Variants in ALS2 observed in about 807,000 individuals in gnomAD.
The protein encoded by ALS2 is alsin.
Under a neutral mutation model 203.4 loss-of-function variants are expected in ALS2, and 117 were observed. The ratio of observed to expected loss-of-function variants is 0.58; its 90% CI spans 0.50 to 0.67. The LOEUF is 0.67. Ranked by LOEUF, ALS2 falls within the 30% of genes least tolerant of loss-of-function variation. The pLI, the probability that ALS2 is intolerant of heterozygous loss-of-function variation, is 0.00. For synonymous variants in ALS2, 718 were observed against 725.9 expected (o/e 0.99, Z 0.17); for missense variants, 1,715 against 1,989.4 (o/e 0.86, Z 2.62).
In ALS2 at chr2:201,720,273, C is replaced by T. The variant is rs1690682467; in HGVS notation, c.3703-2063G>A. 9.6e-6 allele frequency: 3 copies of T among 313,942 alleles called. No individual in the cohort carries two copies. In the Admixed American group the frequency reaches 1.4e-4, roughly 15 times the overall value. The allele number at this position is 313,942 out of a possible 1,614,324, so 19.4% of individuals were successfully genotyped here. A position where few individuals can be genotyped will look rare whatever the true frequency, so the allele number is the denominator to read the frequency against. ...ATATAAAAAAAATTATACACCATGA[C>T]CAAGTACAATTCATCCCAGGAAAGC... is the stretch of plus-strand genomic sequence containing the variant. On this transcript the variant is annotated intron_variant, in intron 23 of 33. Coordinates refer to ENST00000264276, the MANE Select transcript of ALS2 (RefSeq NM_020919.4).
At position 201,715,818 on chromosome 2, in the gene ALS2, T is replaced by C. The variant is rs777272990; in HGVS notation, c.3858A>G (p.Ala1286=). ...CTTTCCACTTCTCATCAGCTGGCACTGCCAGGTTTCCTAGCTTCCTGCTAA... is the reference window on the plus strand; with the variant it reads ...CTTTCCACTTCTCATCAGCTGGCACCGCCAGGTTTCCTAGCTTCCTGCTAA... ...PKVFRKLGNL[A]VPADEKWKAV... The change falls in exon 25 of 34, where the codon GCA becomes GCG. Residue 1286 remains alanine, a synonymous_variant. Coordinates refer to ENST00000264276, the MANE Select transcript of ALS2 (RefSeq NM_020919.4). 6.8e-6 allele frequency: 11 copies of C among 1,614,120 alleles called. No homozygotes were observed. The highest frequency in any genetic ancestry group is 1.1e-5 in the South Asian group (1 of 91,094).
At chr2:201,747,512 G>T (rs555499402) in intron 8 of ALS2, among the ~76,000 whole-genome samples, 2 of 145,600 alleles carry the variant, frequency 1.4e-5, no homozygotes, top group Middle Eastern at 3.2e-3. Context: ...GTGCAGTGGC[G>T]CAATCTCGGC....
Position 201,726,790 on chromosome 2 carries a change from C to A in ALS2, c.3056G>T (p.Ser1019Ile), listed in dbSNP as rs770869321. 6.2e-7 allele frequency: 1 copy of A among 1,614,054 alleles called. No individual in the cohort carries two copies. Residue 1019 changes from serine to isoleucine, a missense_variant, in exon 18 of 34, where the codon AGT (serine) becomes ATT (isoleucine). Physicochemically the swap from Ser to Ile is moderately radical, Grantham distance 142. Transcript: ENST00000264276. ...TTCCTGTCTCTGAACACTGCTACCA[C>A]TTCCATAAGGGGGGAGATCAGACAT... ...RGMSDLPPYG[S>I]GSSVQRQEPP...
chr2:201,702,823 T>C (rs1689471141), intron 33 of ALS2, among the ~76,000 whole-genome samples: 1 of 152,152 alleles, frequency 6.6e-6, no homozygotes, highest in Admixed American at 6.6e-5. Flanking sequence ...TTAATAGAAG[T>C]GTTAATGGTA....
Position 201,718,058 on chromosome 2 carries a change from A to G in ALS2, c.3836+19T>C. ...CCAAACATTCAATAATTAATCCAGAATTAACACTAGTTACTCACAAAACTT... is the reference window on the plus strand; with the variant it reads ...CCAAACATTCAATAATTAATCCAGAGTTAACACTAGTTACTCACAAAACTT... On this transcript the variant is annotated intron_variant, in intron 24 of 33. Coordinates refer to ENST00000264276, the MANE Select transcript of ALS2 (RefSeq NM_020919.4). 1 of 1,611,500 alleles carries G rather than the reference A, an allele frequency of 6.2e-7. No homozygotes were observed. The highest frequency in any genetic ancestry group is 8.5e-7 in the Non-Finnish European group (1 of 1,177,850).
intron 33 of ALS2, among the ~76,000 whole-genome samples, 200 bp downstream of exon 33, chr2:201,703,922 T>C (rs548792685): frequency 2.0e-4 from 30 of 152,340 alleles, no homozygotes; most frequent in African/African-American, 7.0e-4. Flanking sequence ...AGAATTTGCT[T>C]TAGTATTTTG....
At chr2:201,749,658 A>C in intron 8 of ALS2, 54 bp downstream of exon 8, 2 of 1,367,934 alleles carry the variant, frequency 1.5e-6, no homozygotes, top group Non-Finnish European at 2.1e-6. Context: ...GAGAAGTATA[A>C]GGTGTTACAG....
chr2:201,703,404 A>G (rs1689502597), intron 33 of ALS2, among the ~76,000 whole-genome samples: 1 of 151,982 alleles, frequency 6.6e-6, no homozygotes, highest in African/African-American at 2.4e-5. Flanking sequence ...TTTTATTATG[A>G]TGTGTTTATA....
At chr2:201,715,952 C>T in intron 24 of ALS2, 113 bp from the exon 25 acceptor site, 1 of 1,069,536 alleles carries the variant, frequency 9.3e-7, no homozygotes, top group South Asian at 1.3e-5. Flanking sequence ...ACCAAAACTG[C>T]CAAGACTGAT....
chr2:201,756,764 A>G (rs1299928634), intron 5 of ALS2, among the ~76,000 whole-genome samples: 2 of 152,218 alleles, frequency 1.3e-5, no homozygotes, highest in Non-Finnish European at 2.9e-5. Context: ...TTTAGTGTGC[A>G]TACTAATCAC....
At chr2:201,759,459 TAAATA>T in intron 4 of ALS2, 2 of 941,996 alleles carry the variant, frequency 2.1e-6, no homozygotes, top group Non-Finnish European at 2.5e-6. Context: ...ACATTTAATT[TAAATA>T]AATTAAATTT....
chr2:201,724,289 C>T lies in ALS2; in HGVS notation c.3512+6G>A. The T allele has an allele frequency of 6.2e-7, 1 of 1,612,120 alleles. No homozygotes were observed. Among genetic ancestry groups the T allele is most frequent in the Non-Finnish European group, 8.5e-7 (1 of 1,178,380 alleles). On this transcript the variant is annotated splice_donor_region_variant and intron_variant, in intron 21 of 33. Transcript: ENST00000264276. Reference sequence around the variant, plus strand: ...AAACTGTGGGAATAGAAGGAGAATACTGTACCTAGTGATATCATCAAAGAC... The same window carrying T: ...AAACTGTGGGAATAGAAGGAGAATATTGTACCTAGTGATATCATCAAAGAC...
chr2:201,703,986 G>A (rs375004417), intron 33 of ALS2, 136 bp downstream of exon 33: 2 of 733,674 alleles, frequency 2.7e-6, no homozygotes, highest in East Asian at 5.4e-5. Flanking sequence ...TTAAAGTGTA[G>A]AACAAAATGT....
chr2:201,729,938 C>T (rs1231948015), intron 13 of ALS2, among the ~76,000 whole-genome samples: 1 of 147,890 alleles, frequency 6.8e-6, no homozygotes, highest in Non-Finnish European at 1.5e-5. Flanking sequence ...CAATGGTCCA[C>T]ATTTTTTCAA....
intron 9 of ALS2, among the ~76,000 whole-genome samples, chr2:201,745,765 G>A (rs912302386): frequency 1.3e-5 from 2 of 151,916 alleles, no homozygotes; most frequent in African/African-American, 4.8e-5. Flanking sequence ...CCTGACCAAC[G>A]TGGTGAAACC....
intron 3 of ALS2, among the ~76,000 whole-genome samples, chr2:201,764,538 G>T (rs1693964212): frequency 6.6e-6 from 1 of 152,004 alleles, no homozygotes; most frequent in Non-Finnish European, 1.5e-5. Context: ...GGAGGCTGAG[G>T]CAGAAGAATT....
intron 1 of ALS2, among the ~76,000 whole-genome samples, chr2:201,776,073 G>GT: frequency 6.6e-6 from 1 of 152,246 alleles, no homozygotes; most frequent in East Asian, 1.9e-4. Context: ...ATAAAAGTCA[G>GT]TAACAGATAC....
intron 11 of ALS2, among the ~76,000 whole-genome samples, chr2:201,740,055 T>A (rs889828942): frequency 2.0e-5 from 3 of 152,168 alleles, no homozygotes; most frequent in African/African-American, 4.8e-5. Context: ...CCAGGCACAG[T>A]GGCTCACACT....
intron 25 of ALS2, among the ~76,000 whole-genome samples, chr2:201,711,670 AAG>A (rs1426989008): frequency 6.6e-6 from 1 of 152,254 alleles, no homozygotes; most frequent in Non-Finnish European, 1.5e-5. Flanking sequence ...TGAAGATACT[AAG>A]AGAAAACACA....
Sources: gnomAD v4.1 joint callset for allele counts (sites outside exome capture counted in the v4.1 genomes callset) on GRCh38, gnomAD v4.1.1 for gene constraint, MANE v1.5 for transcripts, NCBI Gene and HGNC (gene_info 2026-07-23, HGNC 2026-07-21) for gene names.